Variants in LTBP1 observed in about 807,000 individuals in gnomAD.
LTBP1 encodes latent-transforming growth factor beta-binding protein 1.
Under a neutral mutation model 207.6 loss-of-function variants are expected in LTBP1, and 129 were observed. The ratio of observed to expected loss-of-function variants is 0.62; its 90% CI spans 0.54 to 0.72. LTBP1 has a LOEUF of 0.72. LTBP1 is among the 30% of genes least tolerant of loss of function. LTBP1 has a pLI of 0.00. For synonymous variants in LTBP1, 963 were observed against 833.7 expected (o/e 1.16, Z -2.67); for missense variants, 2,281 against 2,217.2 (o/e 1.03, Z -0.58).
chr2:32,969,266 TG>T (rs1392405023), intron 2 of LTBP1, among the ~76,000 whole-genome samples: 1 of 150,538 alleles, frequency 6.6e-6, no homozygotes, highest in Admixed American at 6.8e-5. Context: ...TGTGTGTGTG[TG>T]TGTGTTTTAA....
At chr2:33,260,373 G>T (rs1489984781) in intron 13 of LTBP1, among the ~76,000 whole-genome samples, 1 of 152,006 alleles carries the variant, frequency 6.6e-6, no homozygotes, top group African/African-American at 2.4e-5. Context: ...CATGTAACAG[G>T]CTTTAATTTT....
chr2:32,947,559 G>C lies in LTBP1; in HGVS notation c.235G>C (p.Val79Leu). ...CGCCCCCAGCCGTGCCTCCCCCGGG[G>C]TCCCCTCGGAGAGGACCCGGCGCAC... ...AGAPSRASPG[V>L]PSERTRRTSK... The change falls in exon 1 of 34, where the codon GTC becomes CTC. Residue 79 changes from valine (V) to leucine (L), a missense_variant. This residue lies in a region of LTBP1 where 555 missense variants were observed against 491.0 expected (regional missense o/e 1.13). Coordinates refer to ENST00000404816, the MANE Select transcript of LTBP1 (RefSeq NM_206943.4). 2 of 1,363,414 alleles carry C rather than the reference G, an allele frequency of 1.5e-6. No homozygotes were observed. Among genetic ancestry groups the C allele is most frequent in the Non-Finnish European group, 1.9e-6 (2 of 1,060,656 alleles). 84.5% of individuals were successfully genotyped at this position (1,363,414 alleles called of 1,614,324 possible).
intron 32 of LTBP1, among the ~76,000 whole-genome samples, chr2:33,389,876 A>T (rs1403515665): frequency 6.6e-6 from 1 of 152,132 alleles, no homozygotes; most frequent in Non-Finnish European, 1.5e-5. Context: ...CTGACCTTGT[A>T]ATCCATCCAT....
rs1264498233 is a variant in LTBP1, at chr2:33,188,721, A to G, written c.1571A>G (p.Gln524Arg). Residue 524 changes from glutamine to arginine, a missense_variant, in exon 7 of 34, where the codon CAA becomes CGA. By Grantham distance (43) the Gln-to-Arg change is conservative. Around this residue, in one of 3 missense-constraint regions of LTBP1, gnomAD observed 1,671 missense variants for 1,634.8 expected, o/e 1.02. Transcript: ENST00000404816. Reference sequence around the variant, plus strand: ...CCAGGCCAATCCCAAGTCTCGTACCAAGGGCTTCCTGTCCAGAAGACCCAG... The same window carrying G: ...CCAGGCCAATCCCAAGTCTCGTACCGAGGGCTTCCTGTCCAGAAGACCCAG... ...AQPGQSQVSY[Q>R]GLPVQKTQTI... The G allele has an allele frequency of 2.5e-6, 4 of 1,614,172 alleles. No homozygotes were observed. Among genetic ancestry groups the G allele is most frequent in the Non-Finnish European group, 2.5e-6 (3 of 1,180,036 alleles).
rs1167783323 is a variant in LTBP1 at position 33,397,174 on chromosome 2, G to A, written c.4876G>A (p.Gly1626Ser). Residue 1626 changes from glycine (G) to serine (S), a missense_variant, in exon 33 of 34, where the codon GGC becomes AGC. By Grantham distance (56) the Gly-to-Ser change is moderately conservative. Coordinates refer to ENST00000404816, the MANE Select transcript of LTBP1 (RefSeq NM_206943.4). ...SFEELQAEECGILNGCENGRC... is the reference protein window; with the variant it reads ...SFEELQAEECSILNGCENGRC... ...TGAGGAGTTACAGGCTGAGGAATGCGGCATCCTCAATGGATGTGAAAATGG... is the reference window on the plus strand; with the variant it reads ...TGAGGAGTTACAGGCTGAGGAATGCAGCATCCTCAATGGATGTGAAAATGG... 17 of 1,613,982 alleles carry A rather than the reference G, an allele frequency of 1.1e-5. No individual in the cohort carries two copies. Among genetic ancestry groups the A allele is most frequent in the Admixed American group, 1.7e-5 (1 of 60,000 alleles).
chr2:33,373,070 T>A (rs1423027708), intron 31 of LTBP1, among the ~76,000 whole-genome samples: 2 of 152,194 alleles, frequency 1.3e-5, no homozygotes, highest in African/African-American at 2.4e-5. Context: ...AAGTAAATTG[T>A]TAAAGTAATT....
chr2:33,188,619 C>G lies in LTBP1; in HGVS notation c.1469C>G (p.Pro490Arg), dbSNP rs1398163623. The G allele has an allele frequency of 6.2e-7, 1 of 1,613,782 alleles. No homozygotes were observed. The highest frequency in any genetic ancestry group is 8.5e-7 in the Non-Finnish European group (1 of 1,179,990). The change falls in exon 7 of 34, where the codon CCT (proline) becomes CGT (arginine). Residue 490 changes from proline (P) to arginine (R), a missense_variant. Coordinates refer to ENST00000404816, the MANE Select transcript of LTBP1 (RefSeq NM_206943.4). Reference sequence around the variant, plus strand: ...ATAGTCAATATCCATGTGAAACATCCTCCTGAAGCTTCCGTCCAGATACAT... The same window carrying G: ...ATAGTCAATATCCATGTGAAACATCGTCCTGAAGCTTCCGTCCAGATACAT... ...PNIVNIHVKHPPEASVQIHQV... is the reference protein window; with the variant it reads ...PNIVNIHVKHRPEASVQIHQV...
At chr2:33,100,125 C>G (rs749059562) in intron 3 of LTBP1, among the ~76,000 whole-genome samples, 5 of 152,206 alleles carry the variant, frequency 3.3e-5, no homozygotes, top group Non-Finnish European at 7.3e-5. Flanking sequence ...ATCTGGCAAA[C>G]TGGATGTTAA....
chr2:33,395,415 A>C lies in LTBP1; in HGVS notation c.4835-1718A>C, dbSNP rs1243635911. Among the ~76,000 whole-genome samples, 3 of 152,216 alleles carry C rather than the reference A, an allele frequency of 2.0e-5. No individual in the cohort carries two copies. In the East Asian group the frequency reaches 5.8e-4, roughly 29 times the overall value. ...CCAAGTTTACAAGGTACACATAGGG[A>C]AATGGGAATGGGAACTCAAGTCCCC... On this transcript the variant is annotated intron_variant, in intron 32 of 33. Transcript: ENST00000404816.
intron 9 of LTBP1, among the ~76,000 whole-genome samples, chr2:33,228,697 CT>C (rs1244221993): frequency 0.031 from 3,036 of 99,116 alleles, 265 homozygotes; most frequent in African/African-American, 0.11. Context: ...GGGTTATACC[CT>C]TTTTTTTTTT....
chr2:33,370,946 G>C (rs969134635), intron 31 of LTBP1, among the ~76,000 whole-genome samples: 6 of 152,146 alleles, frequency 3.9e-5, no homozygotes, highest in African/African-American at 1.4e-4. Context: ...AACAGGTCAC[G>C]GGCACTAATT....
intron 5 of LTBP1, among the ~76,000 whole-genome samples, chr2:33,166,307 AAG>A (rs1184144463): frequency 2.6e-5 from 4 of 152,180 alleles, no homozygotes; most frequent in Non-Finnish European, 5.9e-5. Context: ...GGAAAGGAGA[AAG>A]AGAAACGGGA....
intron 7 of LTBP1, among the ~76,000 whole-genome samples, chr2:33,205,889 G>A (rs2089827094): frequency 6.6e-6 from 1 of 152,170 alleles, no homozygotes; most frequent in African/African-American, 2.4e-5. Flanking sequence ...GCACAAAGAA[G>A]AGTCCATGTG....
chr2:33,029,322 C>CA (rs762560649), intron 3 of LTBP1, among the ~76,000 whole-genome samples: 1 of 151,926 alleles, frequency 6.6e-6, no homozygotes, highest in African/African-American at 2.4e-5. Flanking sequence ...ACTAAAAATA[C>CA]AAAAATTAGT....
chr2:33,022,789 C>T (rs1239177020), intron 3 of LTBP1, among the ~76,000 whole-genome samples: 2 of 152,128 alleles, frequency 1.3e-5, no homozygotes, highest in African/African-American at 4.8e-5. Context: ...CAAAAGCAGC[C>T]ATAGACAGTG....
chr2:33,229,972 A>G (rs773913614), intron 9 of LTBP1, among the ~76,000 whole-genome samples: 4 of 152,242 alleles, frequency 2.6e-5, no homozygotes, highest in Non-Finnish European at 4.4e-5. Flanking sequence ...CAGTAAATCT[A>G]TTGAAATTAC....
In LTBP1 at chr2:33,365,475, G is replaced by T; in HGVS notation, c.4683G>T (p.Gln1561His). 6.2e-7 allele frequency: 1 copy of T among 1,614,088 alleles called. No individual in the cohort carries two copies. Among genetic ancestry groups the T allele is most frequent in the African/African-American group, 1.3e-5 (1 of 75,030 alleles). The change falls in exon 31 of 34, where the codon CAG (glutamine) becomes CAT (histidine). Residue 1561 changes from glutamine (Q) to histidine (H), a missense_variant. Coordinates refer to ENST00000404816, the MANE Select transcript of LTBP1 (RefSeq NM_206943.4). The stretch of plus-strand genomic sequence containing the variant: ...TGTATGGAGAGGCCTGGGGCATGCA[G>T]TGTGCCCTCTGCCCCCTGAAGGATT... ...CCLYGEAWGM[Q>H]CALCPLKDSD...
At chr2:33,030,281 T>C (rs756685884) in intron 3 of LTBP1, among the ~76,000 whole-genome samples, 2 of 152,142 alleles carry the variant, frequency 1.3e-5, no homozygotes, top group African/African-American at 2.4e-5. Flanking sequence ...TGCACTTCAC[T>C]CCAAGAAAAG....
chr2:33,265,682 T>TA, intron 15 of LTBP1, among the ~76,000 whole-genome samples: 1 of 152,240 alleles, frequency 6.6e-6, no homozygotes, highest in East Asian at 1.9e-4. Context: ...ATACACTAGA[T>TA]ATTAGCAGTG....
Sources: allele counts gnomAD v4.1 joint callset (sites outside exome capture counted in the v4.1 genomes callset), GRCh38; gene constraint gnomAD v4.1.1; regional missense constraint gnomAD v4.1.1; transcripts MANE v1.5; gene names NCBI Gene and HGNC (gene_info 2026-07-23, HGNC 2026-07-21).